PCBP3: variants seen among roughly 807,000 people sequenced by gnomAD.
PCBP3 encodes poly(rC) binding protein 3.
PCBP3 carries 25 observed loss-of-function variants against 52.7 expected under a neutral mutation model. The observed-to-expected ratio is 0.47, with a 90% CI of 0.35 to 0.66. PCBP3 has a LOEUF of 0.66. Among genes scored for constraint, PCBP3 ranks in the 30% least tolerant of loss-of-function variants. PCBP3 has a pLI of 0.01. For missense variants in PCBP3, 391 were observed against 490.3 expected, an observed-to-expected ratio of 0.80 and a Z score of 1.91; for synonymous variants, 162 against 183.0, an observed-to-expected ratio of 0.89 and a Z score of 0.93.
rs181833744 is a variant in PCBP3, at chr21:45,925,155, A to C, written c.718-4762A>C. Reference sequence around the variant, plus strand: ...CGGGTGTGCGTGAGGAGATGCGAACACCAGGAACAGTCGAGTGGGTAGAAA... The same window carrying C: ...CGGGTGTGCGTGAGGAGATGCGAACCCCAGGAACAGTCGAGTGGGTAGAAA... On this transcript the variant is annotated intron_variant, in intron 13 of 17. Coordinates refer to ENST00000681687, the MANE Select transcript of PCBP3 (RefSeq NM_001384156.1). Among the ~76,000 whole-genome samples, 1,047 of 140,360 alleles carry C rather than the reference A, an allele frequency of 7.5e-3. 66 individuals carry two copies. Among genetic ancestry groups the C allele is most frequent in the Non-Finnish European group, 0.012 (790 of 64,590 alleles). 92.1% of individuals were successfully genotyped at this position (140,360 alleles called of 152,430 possible).
chr21:45,721,337 C>T (rs1209630395), intron 2 of PCBP3, among the ~76,000 whole-genome samples: 1 of 150,918 alleles, frequency 6.6e-6, no homozygotes, highest in Non-Finnish European at 1.5e-5. Flanking sequence ...CGCTTGAACC[C>T]AGGAGGTGGA....
At chr21:45,874,994 C>T (rs555227933) in intron 5 of PCBP3, among the ~76,000 whole-genome samples, 2 of 152,340 alleles carry the variant, frequency 1.3e-5, no homozygotes, top group Admixed American at 6.5e-5. Flanking sequence ...GGGCCAGCCC[C>T]CTGTCCAAGT....
At chr21:45,826,473 A>G (rs916920841) in intron 4 of PCBP3, among the ~76,000 whole-genome samples, 8 of 152,282 alleles carry the variant, frequency 5.3e-5, no homozygotes, top group Middle Eastern at 3.4e-3. Context: ...CACGCATGCA[A>G]AATTCTAGGT....
At chr21:45,657,767 C>T (rs745532226) in intron 1 of PCBP3, among the ~76,000 whole-genome samples, 1 of 151,830 alleles carries the variant, frequency 6.6e-6, no homozygotes, top group African/African-American at 2.4e-5. Flanking sequence ...TTAAGTTTTC[C>T]AATCCATGAG....
intron 11 of PCBP3, among the ~76,000 whole-genome samples, chr21:45,913,215 C>T (rs1436339417): frequency 6.6e-6 from 1 of 152,218 alleles, no homozygotes; most frequent in Non-Finnish European, 1.5e-5. Flanking sequence ...CCTGTGTTTC[C>T]GACAGAATAC....
chr21:45,899,511 G>A (rs1603479929), intron 6 of PCBP3, 88 bp from the exon 7 acceptor site: 1 of 956,006 alleles, frequency 1.0e-6, no homozygotes, highest in Non-Finnish European at 1.7e-6. Context: ...TACCGGGAAG[G>A]TAGGCAGGTT....
intron 4 of PCBP3, among the ~76,000 whole-genome samples, chr21:45,771,296 C>T (rs533668323): frequency 3.3e-5 from 5 of 152,240 alleles, no homozygotes; most frequent in South Asian, 4.1e-4. Context: ...TCCCATGGGA[C>T]GCATGTTCAT....
At chr21:45,891,538 A>G (rs998057633) in intron 5 of PCBP3, among the ~76,000 whole-genome samples, 6 of 152,224 alleles carry the variant, frequency 3.9e-5, no homozygotes, top group Admixed American at 1.3e-4. Flanking sequence ...CCAGGAGTCT[A>G]TAGTGACCGC....
chr21:45,716,281 A>C (rs116663520), intron 2 of PCBP3, among the ~76,000 whole-genome samples: 73 of 152,334 alleles, frequency 4.8e-4, no homozygotes, highest in African/African-American at 1.7e-3. Context: ...CCAGTTGACT[A>C]TAAATGTAAG....
At chr21:45,865,836 G>A (rs1279421487) in intron 5 of PCBP3, among the ~76,000 whole-genome samples, 1 of 152,234 alleles carries the variant, frequency 6.6e-6, no homozygotes, top group Non-Finnish European at 1.5e-5. Flanking sequence ...GTCCTGCAGA[G>A]GCCTCAGGCG....
At position 45,941,685 on chromosome 21, in the gene PCBP3, C is replaced by T. The variant is rs1353975904; in HGVS notation, c.1095C>T (p.Val365=). 1.2e-6 allele frequency: 2 copies of T among 1,606,512 alleles called. No individual in the cohort carries two copies. Among genetic ancestry groups the T allele is most frequent in the African/African-American group, 1.3e-5 (1 of 74,648 alleles). The change falls in exon 18 of 18, where the codon GTC becomes GTT. Residue 365 remains valine (V), a synonymous_variant. Transcript: ENST00000681687. ...YLINARLTSE[V]TGMGTL is the part of the protein sequence containing the mutation. ...TCTGTTCCAGGCTGACGTCCGAGGTCACCGGGATGGGCACGCTGTAATCCT... is the reference window on the plus strand; with the variant it reads ...TCTGTTCCAGGCTGACGTCCGAGGTTACCGGGATGGGCACGCTGTAATCCT...
At chr21:45,793,923 T>TA (rs59180177) in intron 4 of PCBP3, among the ~76,000 whole-genome samples, 2 of 151,382 alleles carry the variant, frequency 1.3e-5, no homozygotes, top group African/African-American at 2.4e-5. Context: ...CTGACAAAAC[T>TA]AAAAAAAAGA....
In PCBP3 at chr21:45,805,462, C is replaced by T. The variant is rs2092463547; in HGVS notation, c.-125-44499C>T. ...CCTTCCTTCTGGAGCCCCCTGTCTT[C>T]CCTTATCCACTGCCTCAAGGTTCCC... On this transcript the variant is annotated intron_variant, in intron 4 of 17. Transcript: ENST00000681687. The surrounding 1 kb of genome is among the most constrained non-coding windows in gnomAD (Gnocchi z 4.6). Among the ~76,000 whole-genome samples the T allele has an allele frequency of 1.3e-5, 2 of 152,114 alleles. No individual in the cohort carries two copies. Among genetic ancestry groups the T allele is most frequent in the African/African-American group, 4.8e-5 (2 of 41,426 alleles).
intron 13 of PCBP3, among the ~76,000 whole-genome samples, chr21:45,920,103 G>C (rs950675246): frequency 2.6e-5 from 4 of 152,146 alleles, no homozygotes; most frequent in Non-Finnish European, 4.4e-5. Context: ...GGCAGTGTGC[G>C]GTGCCCTTGG....
At chr21:45,674,133 A>G (rs546013723) in intron 2 of PCBP3, among the ~76,000 whole-genome samples, 66 of 152,316 alleles carry the variant, frequency 4.3e-4, no homozygotes, top group Admixed American at 1.4e-3. Context: ...GAGTCAAGAC[A>G]AGACTCAAGA....
intron 1 of PCBP3, among the ~76,000 whole-genome samples, chr21:45,668,330 C>T (rs1312874695): frequency 1.3e-5 from 2 of 152,080 alleles, no homozygotes; most frequent in Non-Finnish European, 2.9e-5. Context: ...CTCAGGTAGT[C>T]ACAAAATTAA....
At chr21:45,708,345 A>G (rs1355508587) in intron 2 of PCBP3, among the ~76,000 whole-genome samples, 1 of 152,118 alleles carries the variant, frequency 6.6e-6, no homozygotes, top group East Asian at 1.9e-4. Context: ...TTTCTGCCCA[A>G]TTCCAAGGTC....
chr21:45,879,760 A>G (rs2095356265), intron 5 of PCBP3, among the ~76,000 whole-genome samples: 1 of 152,100 alleles, frequency 6.6e-6, no homozygotes, highest in African/African-American at 2.4e-5. Context: ...AATACTTTGA[A>G]GTAAGAGAAA....
intron 13 of PCBP3, among the ~76,000 whole-genome samples, chr21:45,920,999 T>G (rs2074356782): frequency 6.6e-6 from 1 of 152,242 alleles, no homozygotes; most frequent in African/African-American, 2.4e-5. Flanking sequence ...GTCATGAGAT[T>G]TGCAGAGCAG....
Sources: allele counts gnomAD v4.1 joint callset (sites outside exome capture counted in the v4.1 genomes callset), GRCh38; gene constraint gnomAD v4.1.1; non-coding constraint Gnocchi (gnomAD v3.1); transcripts MANE v1.5; gene names NCBI Gene and HGNC (gene_info 2026-07-23, HGNC 2026-07-21).